Variants in TOB2 observed in about 807,000 individuals in gnomAD.
TOB2 encodes protein Tob2.
In TOB2, 3 loss-of-function variants were observed where a neutral mutation model predicts 17.3. The observed-to-expected ratio is 0.17, with a 90% confidence interval of 0.08 to 0.45. The LOEUF is 0.45. Ranked by LOEUF, TOB2 falls within the 20% of genes least tolerant of loss-of-function variation. The pLI is 0.99. For missense variants in TOB2, 407 were observed against 445.7 expected (o/e 0.91, Z 0.78); for synonymous variants, 163 against 185.6 (o/e 0.88, Z 0.99).
chr22:41,438,630 CAAAAAAAAAA>C (rs749494672), intron 1 of TOB2, among the ~76,000 whole-genome samples: 148 of 12,686 alleles, frequency 0.012, 1 homozygote, highest in East Asian at 0.054. Context: ...AACTCTGTCT[CAAAAAAAAAA>C]AAAAAAAAAA....
intron 1 of TOB2, among the ~76,000 whole-genome samples, chr22:41,440,181 G>A (rs545933085): frequency 4.0e-5 from 6 of 151,378 alleles, no homozygotes; most frequent in East Asian, 3.9e-4. Context: ...GCAATGGCAC[G>A]GTCTCGGCTC....
intron 1 of TOB2, among the ~76,000 whole-genome samples, chr22:41,444,957 G>C (rs569715238): frequency 1.3e-5 from 2 of 152,298 alleles, no homozygotes; most frequent in Admixed American, 6.5e-5. Context: ...GATTCAAAGG[G>C]AAACGGATCT....
At chr22:41,440,258 C>CAGGTG (rs1555971799) in intron 1 of TOB2, among the ~76,000 whole-genome samples, 2 of 149,984 alleles carry the variant, frequency 1.3e-5, no homozygotes, top group South Asian at 2.1e-4. Context: ...GCTGGGATTA[C>CAGGTG]AGGCGTGCAC....
intron 1 of TOB2, among the ~76,000 whole-genome samples, chr22:41,443,693 G>T (rs1346790780): frequency 1.4e-5 from 2 of 143,110 alleles, no homozygotes; most frequent in Non-Finnish European, 3.0e-5. Flanking sequence ...GCGCGATCTC[G>T]GCTCACCGCA....
chr22:41,437,431 G>A, intron 1 of TOB2, 24 bp from the exon 2 acceptor site: 1 of 1,518,268 alleles, frequency 6.6e-7, no homozygotes, highest in Non-Finnish European at 8.8e-7. Context: ...GGCACCGTGA[G>A]AAAATATGCA....
intron 1 of TOB2, among the ~76,000 whole-genome samples, chr22:41,444,047 A>G (rs992068978): frequency 1.3e-5 from 2 of 152,196 alleles, no homozygotes; most frequent in Non-Finnish European, 2.9e-5. Context: ...AAATGTGCAA[A>G]CTGTCCTACA....
intron 1 of TOB2, among the ~76,000 whole-genome samples, chr22:41,443,205 A>G (rs1915216675): frequency 6.6e-6 from 1 of 152,198 alleles, no homozygotes; most frequent in African/African-American, 2.4e-5. Flanking sequence ...GCTCAAAAGA[A>G]GCCTCAGTCA....
intron 1 of TOB2, among the ~76,000 whole-genome samples, chr22:41,438,120 T>A (rs989607070): frequency 4.6e-5 from 7 of 152,116 alleles, no homozygotes; most frequent in Non-Finnish European, 2.9e-5. Flanking sequence ...CTCTGCAATA[T>A]CTTGGTGAAG....
intron 1 of TOB2, among the ~76,000 whole-genome samples, chr22:41,438,347 G>T (rs1431237330): frequency 1.3e-5 from 2 of 151,986 alleles, no homozygotes; most frequent in Admixed American, 1.3e-4. Flanking sequence ...TAAGAACTCC[G>T]GCCAGGTGCA....
chr22:41,437,588 G>A (rs2037568647), intron 1 of TOB2, among the ~76,000 whole-genome samples, 181 bp from the exon 2 acceptor site: 1 of 152,136 alleles, frequency 6.6e-6, no homozygotes. Context: ...AGGCCATCAT[G>A]AAGTTAAGGT....
At position 41,436,516 on chromosome 22, in the gene TOB2, C is replaced by G; in HGVS notation, c.830G>C (p.Gly277Ala). The change falls in exon 2 of 2, where the codon GGC (glycine) becomes GCC (alanine). Residue 277 changes from glycine to alanine, a missense_variant. Physicochemically the swap from Gly to Ala is moderately conservative, Grantham distance 60 (BLOSUM62 0). Coordinates refer to ENST00000327492, the MANE Select transcript of TOB2 (RefSeq NM_016272.4). This position sits in a 1 kb window ranked among gnomAD's most constrained non-coding sequence, Gnocchi z 4.8. The stretch of plus-strand genomic sequence containing the variant: ...CGGGCCTGGGGTGCCGCTGCCCTGG[C>G]CATCGGCCGCATCAAAGAAGAGGCT... The part of the protein sequence containing the change: ...SPSLFFDAAD[G>A]QGSGTPGPFG... The G allele has an allele frequency of 1.2e-6, 2 of 1,612,420 alleles. No homozygotes were observed. Among genetic ancestry groups the G allele is most frequent in the South Asian group, 2.2e-5 (2 of 90,900 alleles).
Position 41,436,632 on chromosome 22 carries a change from A to G in TOB2, c.714T>C (p.His238=). Residue 238 remains histidine (H), a synonymous_variant, in exon 2 of 2, where the codon CAT becomes CAC. Coordinates refer to ENST00000327492, the MANE Select transcript of TOB2 (RefSeq NM_016272.4). The surrounding 1 kb of genome is among the most constrained non-coding windows in gnomAD (Gnocchi z 4.8). ...GGTTGGCCGTGATGAAGTTCAGTGA[A>G]TGCATAGACAGAGAGAGGCTCTTGT... ...LKHKSLSLSM[H]SLNFITANPA... 6.2e-7 allele frequency: 1 copy of G among 1,613,994 alleles called. No homozygotes were observed. The highest frequency in any genetic ancestry group is 8.5e-7 in the Non-Finnish European group (1 of 1,179,980).
In TOB2 at chr22:41,437,154, C is replaced by T. The variant is rs1226965438; in HGVS notation, c.192G>A (p.Val64=). 6.2e-7 allele frequency: 1 copy of T among 1,614,170 alleles called. No homozygotes were observed. Among genetic ancestry groups the T allele is most frequent in the Non-Finnish European group, 8.5e-7 (1 of 1,180,034 alleles). Residue 64 remains valine (V), a synonymous_variant, in exon 2 of 2, where the codon GTG becomes GTA. Transcript: ENST00000327492. Reference sequence around the variant, plus strand: ...TGGCGGCCAGCTCCACCACGGGGTCCACCATCTCCCCAATGTGAACACAGC... The same window carrying T: ...TGGCGGCCAGCTCCACCACGGGGTCTACCATCTCCCCAATGTGAACACAGC... The part of the protein sequence containing the change: ...GFRCVHIGEM[V]DPVVELAAKR...
Position 41,436,498 on chromosome 22 carries a change from G to C in TOB2, c.848C>G (p.Pro283Arg). ...AGCCCCACTGCCTCCAAACGGGCCT[G>C]GGGTGCCGCTGCCCTGGCCATCGGC... is the stretch of plus-strand genomic sequence containing the variant. ...DAADGQGSGTPGPFGGSGAGT... is the reference protein window; with the variant it reads ...DAADGQGSGTRGPFGGSGAGT... Residue 283 changes from proline (P) to arginine (R), a missense_variant, in exon 2 of 2, where the codon CCA (proline) becomes CGA (arginine). Coordinates refer to ENST00000327492, the MANE Select transcript of TOB2 (RefSeq NM_016272.4). This position sits in a 1 kb window ranked among gnomAD's most constrained non-coding sequence, Gnocchi z 4.8. The C allele has an allele frequency of 1.2e-6, 2 of 1,613,758 alleles. No individual in the cohort carries two copies. Among genetic ancestry groups the C allele is most frequent in the Non-Finnish European group, 1.7e-6 (2 of 1,179,846 alleles).
rs1008457669 is a variant in TOB2 at position 41,436,075 on chromosome 22, C to T, written c.*236G>A. 2.3e-6 allele frequency: 1 copy of T among 428,300 alleles called. No homozygotes were observed. The highest frequency in any genetic ancestry group is 4.0e-6 in the Non-Finnish European group (1 of 248,296). 26.5% of individuals were successfully genotyped at this position (428,300 alleles called of 1,614,324 possible). A position where few individuals can be genotyped will look rare whatever the true frequency, so the allele number is the denominator to read the frequency against. On this transcript the variant is annotated 3_prime_UTR_variant, in exon 2 of 2. Transcript: ENST00000327492. The surrounding 1 kb of genome is among the most constrained non-coding windows in gnomAD (Gnocchi z 4.8). ...AAAAAAAAGAAAAAGAAATATAAAA[C>T]CCAAACCAACCAAATAAATCACAGG...
intron 1 of TOB2, among the ~76,000 whole-genome samples, chr22:41,444,382 C>A (rs1279027164): frequency 2.6e-5 from 4 of 152,178 alleles, no homozygotes; most frequent in Non-Finnish European, 5.9e-5. Flanking sequence ...CTTTCTAGGG[C>A]ACTCCATGTT....
At chr22:41,437,510 G>A (rs1189682208) in intron 1 of TOB2, 103 bp from the exon 2 acceptor site, 2 of 1,386,850 alleles carry the variant, frequency 1.4e-6, no homozygotes, top group Non-Finnish European at 1.9e-6. Flanking sequence ...ACAGAACCAG[G>A]AGCCTATTTC....
At chr22:41,439,485 ATG>A (rs2037590262) in intron 1 of TOB2, among the ~76,000 whole-genome samples, 2 of 9,744 alleles carry the variant, frequency 2.1e-4, no homozygotes, top group Admixed American at 3.8e-4. Flanking sequence ...AATTTTACGT[ATG>A]TATGTATGTA....
intron 1 of TOB2, among the ~76,000 whole-genome samples, chr22:41,439,411 A>T (rs1030936708): frequency 1.3e-5 from 2 of 152,180 alleles, no homozygotes; most frequent in African/African-American, 4.8e-5. Flanking sequence ...CACCTGCCCC[A>T]ACACATTTCC....
Sources: gnomAD v4.1 joint callset for allele counts (sites outside exome capture counted in the v4.1 genomes callset) on GRCh38, gnomAD v4.1.1 for gene constraint, Gnocchi (gnomAD v3.1) non-coding constraint, MANE v1.5 for transcripts, NCBI Gene and HGNC (gene_info 2026-07-23, HGNC 2026-07-21) for gene names.